The following MAP4K4 variants were observed in gnomAD, a reference collection of about 807,000 sequenced individuals.
The protein encoded by MAP4K4 is HPK/GCK-like kinase HGK.
MAP4K4 carries 38 observed loss-of-function variants against 189.6 expected under a neutral mutation model. The ratio of observed to expected loss-of-function variants is 0.20; its 90% CI spans 0.15 to 0.26. The LOEUF (loss-of-function observed/expected upper bound fraction) is 0.26, where lower values mean the gene tolerates loss of function less well. Among genes scored for constraint, MAP4K4 ranks in the 10% least tolerant of loss-of-function variants. The pLI, the probability that MAP4K4 is intolerant of heterozygous loss-of-function variation, is 1.00. For synonymous variants in MAP4K4, 610 were observed against 624.3 expected (o/e 0.98, Z 0.34); for missense variants, 1,054 against 1,726.9 (o/e 0.61, Z 6.91).
intron 12 of MAP4K4, among the ~76,000 whole-genome samples, chr2:101,845,510 A>T (rs560376409): frequency 1.3e-5 from 2 of 152,200 alleles, no homozygotes; most frequent in South Asian, 4.1e-4. Context: ...CCTACTGCGC[A>T]CCTAGACTAT....
intron 2 of MAP4K4, among the ~76,000 whole-genome samples, chr2:101,788,447 G>T (rs1276883212): frequency 6.6e-6 from 1 of 152,228 alleles, no homozygotes; most frequent in Non-Finnish European, 1.5e-5. Context: ...GAAATAGAGT[G>T]ATGGGGTGAT....
intron 2 of MAP4K4, among the ~76,000 whole-genome samples, chr2:101,712,835 T>C (rs1326739904): frequency 6.6e-6 from 1 of 151,314 alleles, no homozygotes; most frequent in Non-Finnish European, 1.5e-5. Context: ...GATCCTGGCC[T>C]TGGAACATTG....
At chr2:101,864,879 T>C in intron 17 of MAP4K4, 51 bp from the exon 18 acceptor site, 2 of 1,211,524 alleles carry the variant, frequency 1.7e-6, no homozygotes, top group Non-Finnish European at 1.2e-6. Flanking sequence ...GAAGTATTTT[T>C]TTTCCTTTTC....
chr2:101,874,555 G>T (rs1403679437), intron 26 of MAP4K4, among the ~76,000 whole-genome samples: 1 of 152,118 alleles, frequency 6.6e-6, no homozygotes, highest in African/African-American at 2.4e-5. Context: ...GGTTTTTAGT[G>T]TAACCATCAG....
At chr2:101,854,252 C>T (rs531162525) in intron 12 of MAP4K4, among the ~76,000 whole-genome samples, 12 of 152,166 alleles carry the variant, frequency 7.9e-5, no homozygotes, top group Admixed American at 5.2e-4. Context: ...CATAGAAACC[C>T]GGTGGAACAA....
chr2:101,867,988 C>T (rs374520386), intron 20 of MAP4K4, 41 bp from the exon 21 acceptor site: 33 of 1,611,546 alleles, frequency 2.0e-5, no homozygotes, highest in Middle Eastern at 1.6e-4. Flanking sequence ...TCCTCATCAA[C>T]GATGGCTTCT....
chr2:101,735,975 C>G (rs2060131012), intron 2 of MAP4K4, among the ~76,000 whole-genome samples: 1 of 152,182 alleles, frequency 6.6e-6, no homozygotes, highest in Non-Finnish European at 1.5e-5. Context: ...CTTCTATTTA[C>G]TGATGGTGTT....
chr2:101,796,956 C>T (rs145357194), intron 3 of MAP4K4, among the ~76,000 whole-genome samples: 29 of 152,304 alleles, frequency 1.9e-4, no homozygotes, highest in African/African-American at 7.0e-4. Flanking sequence ...AGAAGCTAAG[C>T]AATATATGTC....
intron 2 of MAP4K4, among the ~76,000 whole-genome samples, chr2:101,789,292 A>C (rs1161514774): frequency 6.6e-6 from 1 of 152,158 alleles, no homozygotes; most frequent in East Asian, 1.9e-4. Flanking sequence ...CAAAATCATC[A>C]TTTGGTTTTA....
At position 101,869,608 on chromosome 2, in the gene MAP4K4, G is replaced by C. The variant is rs1559269325; in HGVS notation, c.2464-14G>C. 16 of 1,603,286 alleles carry C rather than the reference G, an allele frequency of 1.0e-5. No homozygotes were observed. Among genetic ancestry groups the C allele is most frequent in the Non-Finnish European group, 1.3e-5 (15 of 1,173,906 alleles). ...CTGCTTGCCTTACTCTCTCTTTTCT[G>C]TCCTTTGCTTTAGGATCTGACCGCA... is the stretch of plus-strand genomic sequence containing the variant. On this transcript the variant is annotated splice_polypyrimidine_tract_variant and intron_variant, in intron 21 of 32. Transcript: ENST00000324219.
intron 2 of MAP4K4, among the ~76,000 whole-genome samples, chr2:101,703,484 G>A (rs368342038): frequency 7.9e-5 from 12 of 151,706 alleles, no homozygotes; most frequent in East Asian, 3.9e-4. Flanking sequence ...CAGGCGTGGT[G>A]GTGTACGCCT....
chr2:101,853,835 T>A (rs2097360695), intron 12 of MAP4K4, among the ~76,000 whole-genome samples: 1 of 152,108 alleles, frequency 6.6e-6, no homozygotes, highest in South Asian at 2.1e-4. Context: ...GTACTAAGTA[T>A]CAAGAATCTG....
At chr2:101,859,778 C>A (rs775505116) in exon 15 of MAP4K4, 2 of 1,610,772 alleles carry the variant, frequency 1.2e-6, no homozygotes, top group South Asian at 2.2e-5. Context: ...GCAGCAGCCG[C>A]CACCACCGCA....
At chr2:101,809,140 A>G (rs11680078) in intron 3 of MAP4K4, among the ~76,000 whole-genome samples, 114,184 of 152,082 alleles carry the variant, frequency 0.75, 43,322 homozygotes, top group African/African-American at 0.88. Flanking sequence ...TACATACTTC[A>G]TGTAACTTTT....
intron 2 of MAP4K4, among the ~76,000 whole-genome samples, chr2:101,704,549 A>G (rs1337608883): frequency 2.4e-4 from 16 of 66,960 alleles, no homozygotes; most frequent in Non-Finnish European, 3.9e-4. Flanking sequence ...GTGTATATAT[A>G]TATATATATA....
At chr2:101,862,539 A>T (rs908327964) in intron 16 of MAP4K4, among the ~76,000 whole-genome samples, 17 of 152,340 alleles carry the variant, frequency 1.1e-4, no homozygotes, top group African/African-American at 4.1e-4. Flanking sequence ...TAAACTTCGC[A>T]TAAATGGACA....
chr2:101,843,252 C>T (rs1157901495), intron 11 of MAP4K4, among the ~76,000 whole-genome samples: 1 of 152,100 alleles, frequency 6.6e-6, no homozygotes, highest in Non-Finnish European at 1.5e-5. Context: ...GTCCATGCTG[C>T]AGTATGTGGC....
chr2:101,798,253 A>G (rs77550893), intron 3 of MAP4K4, among the ~76,000 whole-genome samples: 2,796 of 152,110 alleles, frequency 0.018, 54 homozygotes, highest in African/African-American at 0.042. Flanking sequence ...GTACAGATAT[A>G]CTGTATATCT....
At chr2:101,888,021 T>C in intron 31 of MAP4K4, 84 bp downstream of exon 31, 2 of 1,295,604 alleles carry the variant, frequency 1.5e-6, no homozygotes, top group Non-Finnish European at 2.1e-6. Flanking sequence ...TGATTTTGTA[T>C]GTCCTTCAGA....
Sources: allele counts gnomAD v4.1 joint callset (sites outside exome capture counted in the v4.1 genomes callset), GRCh38; gene constraint gnomAD v4.1.1; transcripts MANE v1.5; gene names NCBI Gene and HGNC (gene_info 2026-07-23, HGNC 2026-07-21).